Variants in SNX13 observed in about 807,000 individuals in gnomAD.
The protein encoded by SNX13 is sorting nexin 13, also known as sorting nexin-13.
In SNX13, 45 loss-of-function variants were observed where a neutral mutation model predicts 133.6. The ratio of observed to expected loss-of-function variants is 0.34; its 90% CI spans 0.27 to 0.43. SNX13 has a LOEUF of 0.43. Ranked by LOEUF, SNX13 falls within the 20% of genes least tolerant of loss-of-function variation. SNX13 has a pLI of 1.00. For synonymous variants in SNX13, 414 were observed against 373.9 expected, an observed-to-expected ratio of 1.11 and a Z score of -1.24; for missense variants, 1,032 against 1,145.1, an observed-to-expected ratio of 0.90 and a Z score of 1.43.
At chr7:17,886,933 T>C (rs1796065663) in intron 5 of SNX13, among the ~76,000 whole-genome samples, 1 of 150,700 alleles carries the variant, frequency 6.6e-6, no homozygotes, top group South Asian at 2.1e-4. Context: ...CTATGTTTCA[T>C]GTGCCTTAAT....
chr7:17,887,410 C>A (rs115390340), intron 5 of SNX13, among the ~76,000 whole-genome samples: 3 of 152,044 alleles, frequency 2.0e-5, no homozygotes, highest in African/African-American at 4.8e-5. Flanking sequence ...TAATCCACAC[C>A]CAAATTCCAC....
intron 9 of SNX13, among the ~76,000 whole-genome samples, chr7:17,867,340 C>T (rs1462455360): frequency 6.6e-6 from 1 of 152,174 alleles, no homozygotes; most frequent in Non-Finnish European, 1.5e-5. Context: ...GGCACAATGG[C>T]TCACACCTGT....
intron 9 of SNX13, among the ~76,000 whole-genome samples, chr7:17,867,941 G>C (rs538249549): frequency 2.0e-5 from 3 of 152,144 alleles, no homozygotes; most frequent in Admixed American, 6.5e-5. Context: ...GAAAACTATT[G>C]AGTTAACTAC....
At chr7:17,826,586 A>C (rs1184851387) in intron 16 of SNX13, among the ~76,000 whole-genome samples, 2 of 152,092 alleles carry the variant, frequency 1.3e-5, no homozygotes, top group Admixed American at 1.3e-4. Flanking sequence ...GAGATTAAAT[A>C]AGACATGTAA....
chr7:17,856,342 T>C (rs1791880320), intron 9 of SNX13, among the ~76,000 whole-genome samples: 2 of 151,988 alleles, frequency 1.3e-5, no homozygotes, highest in Admixed American at 1.3e-4. Flanking sequence ...AAGCAAGAAA[T>C]TAAAACATAC....
rs1554316273 is a variant in SNX13, at chr7:17,830,161, T to TTAA, written c.1598-115_1598-114insTTA. On this transcript the variant is annotated intron_variant, in intron 15 of 25. Transcript: ENST00000428135. ...CATAAGCCAAGATATAACATAATAG[T>TTAA]AAAAAAAAAAAAAAAAAAAAAAATT... 2.1e-5 allele frequency: 10 copies of TTAA among 475,444 alleles called. No homozygotes were observed. In the East Asian group the frequency reaches 9.3e-4, roughly 44 times the overall value. The allele number at this position is 475,444 out of a possible 1,614,324, so 29.5% of individuals were successfully genotyped here. A position where few individuals can be genotyped will look rare whatever the true frequency, so the allele number is the denominator to read the frequency against.
At chr7:17,839,307 G>A (rs1278514061) in intron 13 of SNX13, among the ~76,000 whole-genome samples, 1 of 151,098 alleles carries the variant, frequency 6.6e-6, no homozygotes. Flanking sequence ...TATCCTTGAT[G>A]TTTTTCTATC....
intron 13 of SNX13, 71 bp downstream of exon 13, chr7:17,839,736 T>A (rs2128316089): frequency 7.8e-7 from 1 of 1,276,630 alleles, no homozygotes; most frequent in East Asian, 2.5e-5. Context: ...CAGCCTGGCA[T>A]AAGCAATGGA....
chr7:17,909,618 A>G (rs1428491294), intron 1 of SNX13, among the ~76,000 whole-genome samples: 1 of 152,244 alleles, frequency 6.6e-6, no homozygotes, highest in Non-Finnish European at 1.5e-5. Flanking sequence ...GGAACAAAAA[A>G]ACCGAACACT....
chr7:17,797,078 A>C, intron 24 of SNX13, 139 bp from the exon 25 acceptor site: 1 of 663,416 alleles, frequency 1.5e-6, no homozygotes, highest in Non-Finnish European at 2.5e-6. Context: ...TATAGCTATA[A>C]TGATATTCAA....
intron 9 of SNX13, among the ~76,000 whole-genome samples, chr7:17,858,337 C>A (rs1583505831): frequency 6.6e-6 from 1 of 152,090 alleles, no homozygotes; most frequent in Non-Finnish European, 1.5e-5. Flanking sequence ...GTATCATTTC[C>A]ATTTGTCATT....
intron 20 of SNX13, 87 bp downstream of exon 20, chr7:17,814,747 A>T: frequency 8.6e-7 from 1 of 1,158,916 alleles, no homozygotes; most frequent in Non-Finnish European, 1.2e-6. Context: ...AAACACACGT[A>T]CAAATCTAAA....
chr7:17,828,611 C>T (rs1788156724), intron 16 of SNX13, among the ~76,000 whole-genome samples: 1 of 151,524 alleles, frequency 6.6e-6, no homozygotes, highest in Admixed American at 6.6e-5. Flanking sequence ...CAGATATTCA[C>T]TAAAATTTGT....
At position 17,791,510 on chromosome 7, in the gene SNX13, T is replaced by C. The variant is rs1016286576; in HGVS notation, c.*2535A>G. On this transcript the variant is annotated 3_prime_UTR_variant, in exon 26 of 26. Transcript: ENST00000428135. ...CCATCTAAGTGATATATTTAAATAA[T>C]ACAATCAATTTTTTAAGGTGAATAA... 2 of 151,760 alleles carry C rather than the reference T, an allele frequency of 1.3e-5. No homozygotes were observed. Among genetic ancestry groups the C allele is most frequent in the African/African-American group, 4.9e-5 (2 of 41,208 alleles). The allele number at this position is 151,760 out of a possible 1,614,324, so 9.4% of individuals were successfully genotyped here.
intron 8 of SNX13, among the ~76,000 whole-genome samples, chr7:17,871,521 T>C (rs1163699738): frequency 1.3e-5 from 2 of 152,202 alleles, no homozygotes; most frequent in African/African-American, 2.4e-5. Context: ...GCAAGAATTC[T>C]ATCAAGTGGG....
chr7:17,869,585 C>T (rs1282879586), intron 8 of SNX13, among the ~76,000 whole-genome samples: 1 of 152,072 alleles, frequency 6.6e-6, no homozygotes, highest in African/African-American at 2.4e-5. Flanking sequence ...TTTTAGTAAA[C>T]TGTACAAGTC....
chr7:17,937,181 G>T (rs1207625782), intron 1 of SNX13, among the ~76,000 whole-genome samples: 1 of 150,472 alleles, frequency 6.6e-6, no homozygotes, highest in Non-Finnish European at 1.5e-5. Context: ...AGTTTACATC[G>T]AGAACTATAT....
chr7:17,831,308 G>C, intron 15 of SNX13: 1 of 937,126 alleles, frequency 1.1e-6, no homozygotes, highest in Non-Finnish European at 1.3e-6. Flanking sequence ...ATAATGTTGA[G>C]ATTAAAATTT....
chr7:17,806,138 T>A (rs975289581), intron 20 of SNX13, among the ~76,000 whole-genome samples: 1 of 152,190 alleles, frequency 6.6e-6, no homozygotes, highest in Non-Finnish European at 1.5e-5. Context: ...GCTGAGTTAT[T>A]TGTATTGTTA....
Sources: allele counts gnomAD v4.1 joint callset (sites outside exome capture counted in the v4.1 genomes callset), GRCh38; gene constraint gnomAD v4.1.1; transcripts MANE v1.5; gene names NCBI Gene and HGNC (gene_info 2026-07-23, HGNC 2026-07-21).